L3MBTL4: variants seen among roughly 807,000 people sequenced by gnomAD.
The protein encoded by L3MBTL4 is lethal(3)malignant brain tumor-like protein 4.
Under a neutral mutation model 84.5 loss-of-function variants are expected in L3MBTL4, and 70 were observed. The ratio of observed to expected loss-of-function variants is 0.83; its 90% CI spans 0.68 to 1.01. L3MBTL4 has a LOEUF of 1.01. Among genes scored for constraint, L3MBTL4 ranks in the 50% least tolerant of loss-of-function variants. The probability of loss-of-function intolerance (pLI) is 0.00; values close to 1 mark genes in which losing one functional copy is unlikely to be tolerated. For synonymous variants in L3MBTL4, 274 were observed against 259.8 expected (o/e 1.05, Z -0.52); for missense variants, 715 against 754.8 (o/e 0.95, Z 0.62).
chr18:6,151,978 C>A (rs765439243), intron 13 of L3MBTL4, among the ~76,000 whole-genome samples: 34 of 152,116 alleles, frequency 2.2e-4, no homozygotes, highest in Non-Finnish European at 4.7e-4. Flanking sequence ...TAGGATCATA[C>A]AGTATTTGTT....
intron 14 of L3MBTL4, among the ~76,000 whole-genome samples, chr18:6,135,374 C>G (rs2060000439): frequency 6.6e-6 from 1 of 152,188 alleles, no homozygotes; most frequent in Non-Finnish European, 1.5e-5. Flanking sequence ...TTTCTGCAGC[C>G]AGCTTGAATT....
intron 1 of L3MBTL4, among the ~76,000 whole-genome samples, chr18:6,327,038 A>G (rs948599487): frequency 2.0e-5 from 3 of 152,206 alleles, no homozygotes; most frequent in Non-Finnish European, 4.4e-5. Flanking sequence ...GAAACGCACT[A>G]TTACTAGAAA....
chr18:6,054,727 T>C (rs1290580539), intron 16 of L3MBTL4, among the ~76,000 whole-genome samples: 10 of 152,216 alleles, frequency 6.6e-5, no homozygotes, highest in Admixed American at 3.9e-4. Context: ...GCTGCTCTTA[T>C]TTACTGTGGT....
chr18:6,111,794 C>A (rs2059203934), intron 14 of L3MBTL4, among the ~76,000 whole-genome samples: 1 of 152,078 alleles, frequency 6.6e-6, no homozygotes, highest in Admixed American at 6.6e-5. Flanking sequence ...GAGAATGATT[C>A]AATCTAGCTA....
intron 1 of L3MBTL4, among the ~76,000 whole-genome samples, chr18:6,330,993 A>T (rs341186): frequency 0.048 from 7,329 of 152,316 alleles, 205 homozygotes; most frequent in East Asian, 0.11. Context: ...AACTGAGCAG[A>T]TGCAGAGAAA....
intron 1 of L3MBTL4, among the ~76,000 whole-genome samples, chr18:6,373,201 G>T (rs1013688221): frequency 1.3e-5 from 2 of 152,152 alleles, no homozygotes; most frequent in African/African-American, 4.8e-5. Flanking sequence ...TCCAGTTTGC[G>T]CATCCTTGTC....
intron 1 of L3MBTL4, among the ~76,000 whole-genome samples, chr18:6,408,282 C>T (rs929272648): frequency 5.9e-5 from 9 of 152,268 alleles, no homozygotes; most frequent in South Asian, 2.1e-4. Context: ...GAAGCCAGTA[C>T]GTTCATGCAC....
At chr18:6,347,390 G>T (rs913349770) in intron 1 of L3MBTL4, among the ~76,000 whole-genome samples, 1 of 151,748 alleles carries the variant, frequency 6.6e-6, no homozygotes, top group Non-Finnish European at 1.5e-5. Flanking sequence ...AAGAGAGTAA[G>T]AGAAAATTTA....
At chr18:6,058,752 C>T (rs1016727879) in intron 16 of L3MBTL4, among the ~76,000 whole-genome samples, 41 of 152,212 alleles carry the variant, frequency 2.7e-4, no homozygotes, top group South Asian at 8.3e-4. Context: ...ATAAATAATC[C>T]GTACATGTTC....
chr18:6,377,309 G>A (rs1483788731), intron 1 of L3MBTL4, among the ~76,000 whole-genome samples: 1 of 152,058 alleles, frequency 6.6e-6, no homozygotes, highest in Non-Finnish European at 1.5e-5. Context: ...CGAGTTTCCT[G>A]AGTTGGTTTT....
At position 6,264,047 on chromosome 18, in the gene L3MBTL4, G is replaced by T. The variant is rs775300303; in HGVS notation, c.128-9C>A. On this transcript the variant is annotated splice_polypyrimidine_tract_variant and intron_variant, in intron 4 of 18. Transcript: ENST00000317931. ...TGCAGCCGCTGAAGGGACTGGAAGA[G>T]AAAACACAATGACTTTTCTCAAAAT... 1 of 1,593,452 alleles carries T rather than the reference G, an allele frequency of 6.3e-7. No homozygotes were observed. Among genetic ancestry groups the T allele is most frequent in the Admixed American group, 1.7e-5 (1 of 59,432 alleles).
At chr18:6,239,417 T>C (rs2146099117) in intron 9 of L3MBTL4, among the ~76,000 whole-genome samples, 1 of 152,022 alleles carries the variant, frequency 6.6e-6, no homozygotes, top group East Asian at 1.9e-4. Context: ...CTGAAAGTTT[T>C]TAGCTTCCTC....
chr18:6,017,239 A>C (rs1020261609), intron 16 of L3MBTL4, among the ~76,000 whole-genome samples: 11 of 152,170 alleles, frequency 7.2e-5, no homozygotes, highest in African/African-American at 1.2e-4. Context: ...AAACATGCAA[A>C]ATGGATTTAA....
chr18:6,329,886 G>A (rs966562904), intron 1 of L3MBTL4, among the ~76,000 whole-genome samples: 7 of 152,150 alleles, frequency 4.6e-5, no homozygotes, highest in Non-Finnish European at 8.8e-5. Context: ...CAGGAGTTTT[G>A]GAGGGGACAA....
At chr18:5,996,613 A>G (rs1488363988) in intron 16 of L3MBTL4, among the ~76,000 whole-genome samples, 1 of 152,176 alleles carries the variant, frequency 6.6e-6, no homozygotes, top group Non-Finnish European at 1.5e-5. Context: ...CATGAAGCTC[A>G]GAGAAGCTTT....
chr18:6,379,311 C>A (rs532295615), intron 1 of L3MBTL4, among the ~76,000 whole-genome samples: 11 of 152,148 alleles, frequency 7.2e-5, no homozygotes, highest in African/African-American at 2.4e-4. Context: ...GCCTTTATTT[C>A]TTTCTCTTTC....
intron 13 of L3MBTL4, among the ~76,000 whole-genome samples, chr18:6,170,491 C>T (rs918242462): frequency 1.2e-4 from 18 of 152,086 alleles, no homozygotes; most frequent in African/African-American, 4.3e-4. Flanking sequence ...ACTTAGGAAG[C>T]AAACGGTAGA....
chr18:6,089,286 G>C (rs2058360936), intron 15 of L3MBTL4, among the ~76,000 whole-genome samples: 1 of 152,056 alleles, frequency 6.6e-6, no homozygotes. Flanking sequence ...AATAAAACGT[G>C]CTCAAGACGG....
At chr18:6,071,836 GAGAA>G (rs1238936091) in intron 16 of L3MBTL4, among the ~76,000 whole-genome samples, 4 of 114,044 alleles carry the variant, frequency 3.5e-5, no homozygotes, top group African/African-American at 9.5e-5. Context: ...AAGAAAGAAA[GAGAA>G]AGAGAGAGAG....
Sources: gnomAD v4.1 joint callset for allele counts (sites outside exome capture counted in the v4.1 genomes callset) on GRCh38, gnomAD v4.1.1 for gene constraint, MANE v1.5 for transcripts, NCBI Gene and HGNC (gene_info 2026-07-23, HGNC 2026-07-21) for gene names.